MAML3: variants seen among roughly 807,000 people sequenced by gnomAD.
MAML3 encodes the protein mastermind like transcriptional coactivator 3.
A neutral mutation model predicts 101.9 loss-of-function variants in MAML3; 27 were observed. The ratio of observed to expected loss-of-function variants is 0.27; its 90% confidence interval spans 0.20 to 0.37. MAML3 has a LOEUF of 0.37. Among genes scored for constraint, MAML3 ranks in the 10% least tolerant of loss-of-function variants. The pLI is 1.00. For missense variants in MAML3, 1,316 were observed against 1,444.9 expected (o/e 0.91, Z 1.45); for synonymous variants, 501 against 555.9 (o/e 0.90, Z 1.39).
chr4:139,933,641 C>G (rs914603325), intron 1 of MAML3, among the ~76,000 whole-genome samples: 1 of 152,174 alleles, frequency 6.6e-6, no homozygotes, highest in African/African-American at 2.4e-5. Context: ...GGGCCTGATG[C>G]CAGCAACATG....
At chr4:140,059,986 T>C (rs1168138709) in intron 1 of MAML3, among the ~76,000 whole-genome samples, 1 of 152,210 alleles carries the variant, frequency 6.6e-6, no homozygotes, top group Non-Finnish European at 1.5e-5. Flanking sequence ...AGAATATCTA[T>C]TTTTATTTCA....
At chr4:139,992,560 C>A (rs1463077177) in intron 1 of MAML3, among the ~76,000 whole-genome samples, 2 of 152,082 alleles carry the variant, frequency 1.3e-5, no homozygotes, top group Non-Finnish European at 1.5e-5. Flanking sequence ...GAGATGGAGT[C>A]TCACTCTGTT....
At chr4:139,847,197 T>C (rs1731465935) in intron 2 of MAML3, among the ~76,000 whole-genome samples, 1 of 152,194 alleles carries the variant, frequency 6.6e-6, no homozygotes, top group South Asian at 2.1e-4. Flanking sequence ...ATCTATATTG[T>C]GTAAAAAACA....
intron 1 of MAML3, among the ~76,000 whole-genome samples, chr4:140,119,364 A>G (rs772467070): frequency 5.9e-5 from 9 of 152,180 alleles, no homozygotes; most frequent in Non-Finnish European, 1.3e-4. Flanking sequence ...CTTACATTAG[A>G]CAGAAATCAA....
At chr4:139,797,729 C>T (rs1730535937) in intron 2 of MAML3, among the ~76,000 whole-genome samples, 1 of 151,972 alleles carries the variant, frequency 6.6e-6, no homozygotes, top group Non-Finnish European at 1.5e-5. Flanking sequence ...AAAGAATAAA[C>T]AAAATAAATA....
At chr4:140,105,776 A>T (rs920209246) in intron 1 of MAML3, among the ~76,000 whole-genome samples, 2 of 152,158 alleles carry the variant, frequency 1.3e-5, no homozygotes, top group African/African-American at 4.8e-5. Context: ...ATCACACATC[A>T]ATCAAGTGAT....
At chr4:139,914,218 C>A (rs979151849) in intron 1 of MAML3, among the ~76,000 whole-genome samples, 2 of 152,104 alleles carry the variant, frequency 1.3e-5, no homozygotes, top group Non-Finnish European at 2.9e-5. Flanking sequence ...AAAACAATCA[C>A]CCCACGTTGC....
At chr4:139,969,191 TCCCCTTTG>T (rs1734192181) in intron 1 of MAML3, among the ~76,000 whole-genome samples, 1 of 151,218 alleles carries the variant, frequency 6.6e-6, no homozygotes, top group African/African-American at 2.4e-5. Flanking sequence ...AGTCTCCTTC[TCCCCTTTG>T]CAGACCCTCC....
At chr4:139,736,657 G>T (rs1007272556) in intron 2 of MAML3, among the ~76,000 whole-genome samples, 3 of 152,168 alleles carry the variant, frequency 2.0e-5, no homozygotes, top group Admixed American at 1.3e-4. Context: ...AAAATTAGGG[G>T]TTCTCAAAGT....
chr4:140,064,225 T>C lies in MAML3; in HGVS notation c.468+88635A>G, dbSNP rs560931628. On this transcript the variant is annotated intron_variant, in intron 1 of 4. Coordinates refer to ENST00000509479, the MANE Select transcript of MAML3 (RefSeq NM_018717.5). ...CTTTGATTTGGTTCTTTGAAGAATC[T>C]ATGGTCATTGTGGAGGTATTTCAGG... Among the ~76,000 whole-genome samples the C allele has an allele frequency of 2.6e-5, 4 of 152,358 alleles. No individual in the cohort carries two copies. In the East Asian group the frequency reaches 5.8e-4, roughly 22 times the overall value.
intron 2 of MAML3, among the ~76,000 whole-genome samples, chr4:139,755,982 C>T (rs920722119): frequency 6.6e-6 from 1 of 152,172 alleles, no homozygotes; most frequent in Non-Finnish European, 1.5e-5. Context: ...TCAAAACACC[C>T]GCTATGGTCT....
At chr4:140,025,513 T>C (rs780241821) in intron 1 of MAML3, among the ~76,000 whole-genome samples, 2 of 152,118 alleles carry the variant, frequency 1.3e-5, no homozygotes, top group Non-Finnish European at 2.9e-5. Flanking sequence ...TTATGATAGA[T>C]AAAATTATTT....
chr4:140,148,528 G>C (rs1301009966), intron 1 of MAML3, among the ~76,000 whole-genome samples: 5 of 152,228 alleles, frequency 3.3e-5, no homozygotes, highest in Non-Finnish European at 7.3e-5. Context: ...CCGAAAGACA[G>C]TCTGTCCTGT....
intron 1 of MAML3, among the ~76,000 whole-genome samples, chr4:139,901,004 C>T (rs1241505378): frequency 1.3e-5 from 2 of 152,216 alleles, no homozygotes; most frequent in Non-Finnish European, 2.9e-5. Context: ...CAAATCTATG[C>T]TCTCACCTAC....
At chr4:140,035,874 T>C (rs1453595661) in intron 1 of MAML3, among the ~76,000 whole-genome samples, 1 of 152,244 alleles carries the variant, frequency 6.6e-6, no homozygotes, top group Non-Finnish European at 1.5e-5. Context: ...AATGCTTTAG[T>C]TTAATTCCCT....
At chr4:139,846,013 T>C (rs1017012179) in intron 2 of MAML3, among the ~76,000 whole-genome samples, 3 of 152,118 alleles carry the variant, frequency 2.0e-5, no homozygotes, top group African/African-American at 7.2e-5. Flanking sequence ...ACTCAGAGTT[T>C]GAAATGCTCC....
intron 1 of MAML3, among the ~76,000 whole-genome samples, chr4:139,956,010 G>A (rs1280633465): frequency 6.6e-6 from 1 of 152,222 alleles, no homozygotes; most frequent in African/African-American, 2.4e-5. Context: ...GGAGCTAGAG[G>A]AGGGTAGATT....
intron 1 of MAML3, among the ~76,000 whole-genome samples, chr4:140,057,601 C>G (rs1418340482): frequency 6.6e-6 from 1 of 152,036 alleles, no homozygotes; most frequent in African/African-American, 2.4e-5. Flanking sequence ...TTCCTGTATT[C>G]TTAAACAGAA....
At position 139,890,626 on chromosome 4, in the gene MAML3, C is replaced by T. The variant is rs1578650063; in HGVS notation, c.810G>A (p.Gln270=). Residue 270 remains glutamine (Q), a synonymous_variant, in exon 2 of 5, where the codon CAG becomes CAA. Transcript: ENST00000509479. This position sits in a 1 kb window ranked among gnomAD's most constrained non-coding sequence, Gnocchi z 4.1. The stretch of plus-strand genomic sequence containing the variant: ...GAGGTTCTTGTTTGAGGTCTTTGCT[C>T]TGCAAGATGGTGAAGCTATCCTCCA... ...SDLEDSFTIL[Q]SKDLKQEPLD... is the part of the protein sequence containing the mutation. 6.2e-7 allele frequency: 1 copy of T among 1,613,842 alleles called. No homozygotes were observed. The highest frequency in any genetic ancestry group is 8.5e-7 in the Non-Finnish European group (1 of 1,179,842).
Sources: allele counts gnomAD v4.1 joint callset (sites outside exome capture counted in the v4.1 genomes callset), GRCh38; gene constraint gnomAD v4.1.1; non-coding constraint Gnocchi (gnomAD v3.1); transcripts MANE v1.5; gene names NCBI Gene and HGNC (gene_info 2026-07-23, HGNC 2026-07-21).